The following KDM3B variants were observed in gnomAD, a reference collection of about 807,000 sequenced individuals.
KDM3B encodes the protein lysine-specific demethylase 3B.
A neutral mutation model predicts 170.0 loss-of-function variants in KDM3B; 10 were observed. That is an observed-to-expected ratio of 0.06 (90% CI 0.04 to 0.10). The LOEUF (loss-of-function observed/expected upper bound fraction) is 0.10, where lower values mean the gene tolerates loss of function less well. Ranked by LOEUF, KDM3B falls within the 10% of genes least tolerant of loss-of-function variation. The pLI, the probability that KDM3B is intolerant of heterozygous loss-of-function variation, is 1.00. For synonymous variants in KDM3B, 831 were observed against 834.8 expected (o/e 1.00, Z 0.08); for missense variants, 1,394 against 2,195.2 (o/e 0.64, Z 7.29).
chr5:138,391,189 T>G lies in KDM3B; in HGVS notation c.1557T>G (p.Thr519=), dbSNP rs1473211743. 6.2e-7 allele frequency: 1 copy of G among 1,614,114 alleles called. No homozygotes were observed. The highest frequency in any genetic ancestry group is 2.2e-5 in the East Asian group (1 of 44,884). Residue 519 remains threonine (T), a synonymous_variant, in exon 8 of 24, where the codon ACT becomes ACG. Coordinates refer to ENST00000314358, the MANE Select transcript of KDM3B (RefSeq NM_016604.4). The surrounding 1 kb of genome is among the most constrained non-coding windows in gnomAD (Gnocchi z 5.0). ...CTGCACAAGAGGCACAGAAAGACAC[T>G]GATCTCTCCAAAAACTTGTTTTTTC... ...CSSAQEAQKD[T]DLSKNLFFQC...
intron 17 of KDM3B, 31 bp from the exon 18 acceptor site, chr5:138,426,944 G>T (rs780880842): frequency 8.4e-6 from 13 of 1,542,974 alleles, no homozygotes; most frequent in African/African-American, 1.4e-5. Context: ...CAAACCAGCA[G>T]ATGTTTGTGG....
At chr5:138,379,502 C>A in intron 4 of KDM3B, 82 bp from the exon 5 acceptor site, 1 of 1,365,662 alleles carries the variant, frequency 7.3e-7, no homozygotes, top group African/African-American at 1.5e-5. Context: ...TTTACATTAT[C>A]TAATTTTCCT....
At chr5:138,365,025 G>C (rs1761710073) in intron 1 of KDM3B, among the ~76,000 whole-genome samples, 1 of 152,170 alleles carries the variant, frequency 6.6e-6, no homozygotes, top group South Asian at 2.1e-4. Flanking sequence ...TTTGAAAACA[G>C]AGATATTCAA....
rs376835729 is a variant in KDM3B, at chr5:138,372,822, T to C, written c.341T>C (p.Ile114Thr). Reference sequence around the variant, plus strand: ...CTTCTCCAGGGCATTCGAGTCTCCATTGCACAATGGCCAGCCCTGGTGAGT... The same window carrying C: ...CTTCTCCAGGGCATTCGAGTCTCCACTGCACAATGGCCAGCCCTGGTGAGT... ...PVLLQGIRVS[I>T]AQWPALTFTP... Residue 114 changes from isoleucine to threonine, a missense_variant, in exon 2 of 24, where the codon ATT (isoleucine) becomes ACT (threonine). This residue lies in a region of KDM3B where 166 missense variants were observed against 216.4 expected (regional missense o/e 0.77). Coordinates refer to ENST00000314358, the MANE Select transcript of KDM3B (RefSeq NM_016604.4). 15 of 1,614,058 alleles carry C rather than the reference T, an allele frequency of 9.3e-6. No individual in the cohort carries two copies. The South Asian group carries it at 1.3e-4, about 14-fold the overall frequency.
intron 15 of KDM3B, among the ~76,000 whole-genome samples, chr5:138,423,731 C>T (rs2126998033): frequency 6.6e-6 from 1 of 152,274 alleles, no homozygotes; most frequent in South Asian, 2.1e-4. Flanking sequence ...GACCTTTTTA[C>T]ACTCAGTTAC....
In KDM3B at chr5:138,430,236, A is replaced by T; in HGVS notation, c.4894-13A>T. ...TTTAATTTTCCCATCTTTGGATTTG[A>T]TTATGGCTTCAGGTTGGAGAAGAAC... is the stretch of plus-strand genomic sequence containing the variant. On this transcript the variant is annotated splice_polypyrimidine_tract_variant and intron_variant, in intron 21 of 23. Coordinates refer to ENST00000314358, the MANE Select transcript of KDM3B (RefSeq NM_016604.4). 6.2e-7 allele frequency: 1 copy of T among 1,610,438 alleles called. No homozygotes were observed. Among genetic ancestry groups the T allele is most frequent in the Non-Finnish European group, 8.5e-7 (1 of 1,177,408 alleles).
chr5:138,428,147 T>C, intron 20 of KDM3B, 61 bp downstream of exon 20: 2 of 1,545,624 alleles, frequency 1.3e-6, no homozygotes, highest in Non-Finnish European at 1.8e-6. Context: ...AATACAGTTT[T>C]GTGTTTTCAT....
At chr5:138,362,795 T>G (rs1364634779) in intron 1 of KDM3B, among the ~76,000 whole-genome samples, 2 of 149,638 alleles carry the variant, frequency 1.3e-5, no homozygotes, top group Non-Finnish European at 3.0e-5. Context: ...ACGTGCAGGT[T>G]TGTTACATAT....
intron 23 of KDM3B, among the ~76,000 whole-genome samples, chr5:138,432,830 C>T (rs936804940): frequency 9.9e-5 from 15 of 151,332 alleles, no homozygotes; most frequent in African/African-American, 3.2e-4. Flanking sequence ...CTGCAAGCTC[C>T]GCCTCCTGGG....
chr5:138,424,264 G>A lies in KDM3B; in HGVS notation c.4162G>A (p.Gly1388Arg). ...PHTSHSWLCD[G>R]RLLCLHDPSN... Reference sequence around the variant, plus strand: ...TACTTCTCACTCCTGGCTTTGTGATGGGAGGCTTCTGTGTCTCCATGACCC... The same window carrying A: ...TACTTCTCACTCCTGGCTTTGTGATAGGAGGCTTCTGTGTCTCCATGACCC... Residue 1388 changes from glycine to arginine, a missense_variant, in exon 16 of 24, where the codon GGG (glycine) becomes AGG (arginine). Gly to Arg is a moderately radical substitution (Grantham distance 125, BLOSUM62 -2). This residue lies in a region of KDM3B where 66 missense variants were observed against 178.8 expected (regional missense o/e 0.37). Transcript: ENST00000314358. 6.2e-7 allele frequency: 1 copy of A among 1,614,170 alleles called. No homozygotes were observed. Among genetic ancestry groups the A allele is most frequent in the East Asian group, 2.2e-5 (1 of 44,888 alleles).
intron 6 of KDM3B, among the ~76,000 whole-genome samples, chr5:138,383,418 C>T (rs1336365893): frequency 5.2e-5 from 4 of 76,718 alleles, no homozygotes; most frequent in African/African-American, 1.4e-4. Flanking sequence ...TTTACAGGCG[C>T]GAACGAACCA....
rs1437626330 is a variant in KDM3B, at chr5:138,391,103, C to CAGTCCA, written c.1473_1478dup (p.Ser492_Asn493insLysSer). The CAGTCCA allele has an allele frequency of 6.2e-7, 1 of 1,613,712 alleles. No individual in the cohort carries two copies. The highest frequency in any genetic ancestry group is 8.5e-7 in the Non-Finnish European group (1 of 1,179,714). On this transcript the variant is annotated inframe_insertion, in exon 8 of 24. Coordinates refer to ENST00000314358, the MANE Select transcript of KDM3B (RefSeq NM_016604.4). The surrounding 1 kb of genome is among the most constrained non-coding windows in gnomAD (Gnocchi z 5.0). Reference sequence around the variant, plus strand: ...TTTGACTTTTGGAAGTGGAAGGAGCCAGTCCAATGGTGTTCTAGCCACAGA... The same window carrying CAGTCCA: ...TTTGACTTTTGGAAGTGGAAGGAGCCAGTCCAAGTCCAATGGTGTTCTAGCCACAGA...
At chr5:138,410,497 AAG>A (rs2126977277) in intron 11 of KDM3B, among the ~76,000 whole-genome samples, 1 of 152,262 alleles carries the variant, frequency 6.6e-6, no homozygotes, top group East Asian at 1.9e-4. Flanking sequence ...CCAAAAAAAA[AAG>A]AGGAACCTCT....
In KDM3B at chr5:138,386,129, C is replaced by G. The variant is rs1414246923; in HGVS notation, c.888C>G (p.Asp296Glu). 1 of 1,614,044 alleles carries G rather than the reference C, an allele frequency of 6.2e-7. No individual in the cohort carries two copies. The highest frequency in any genetic ancestry group is 1.1e-5 in the South Asian group (1 of 91,078). The part of the protein sequence containing the change: ...RRKSASDSGC[D>E]PASKKLKGDR... ...AAAGTGCTTCGGACTCTGGGTGTGA[C>G]CCTGCATCAAAGAAATTAAAAGGAG... Residue 296 changes from aspartate to glutamate, a missense_variant, in exon 7 of 24, where the codon GAC (aspartate) becomes GAG (glutamate). Transcript: ENST00000314358.
Position 138,436,846 on chromosome 5 carries a change from A to G in KDM3B, c.*1146A>G, listed in dbSNP as rs1397157116. 1.3e-5 allele frequency: 2 copies of G among 151,828 alleles called. No homozygotes were observed. The highest frequency in any genetic ancestry group is 6.6e-5 in the Admixed American group (1 of 15,260). The allele number at this position is 151,828 out of a possible 1,614,324, so 9.4% of individuals were successfully genotyped here. A position where few individuals can be genotyped will look rare whatever the true frequency, so the allele number is the denominator to read the frequency against. On this transcript the variant is annotated 3_prime_UTR_variant, in exon 24 of 24. Transcript: ENST00000314358. ...GGCCCATAGGTACATTGGAAAATGT[A>G]TATCTCTCCAGCTGTACTGTAGTGC...
In KDM3B at chr5:138,419,768, T is replaced by C. The variant is rs1053701364; in HGVS notation, c.3715+536T>C. On this transcript the variant is annotated intron_variant, in intron 14 of 23. Transcript: ENST00000314358. ...ACACACACACACACACACACACACA[T>C]ATATATGAGGGACTACCTTTCAACT... 8.0e-4 allele frequency among the ~76,000 whole-genome samples: 79 copies of C among 98,424 alleles called. No individual in the cohort carries two copies. The East Asian group carries it at 0.014, about 17-fold the overall frequency. The allele number at this position is 98,424 out of a possible 152,430, so 64.6% of individuals were successfully genotyped here.
chr5:138,378,485 C>T (rs1332023786), intron 4 of KDM3B, among the ~76,000 whole-genome samples: 1 of 151,416 alleles, frequency 6.6e-6, no homozygotes, highest in East Asian at 1.9e-4. Flanking sequence ...CAAGTTTTGC[C>T]CAAGATTCTA....
intron 1 of KDM3B, among the ~76,000 whole-genome samples, chr5:138,360,757 A>G (rs1761587510): frequency 6.6e-6 from 1 of 151,782 alleles, no homozygotes; most frequent in Non-Finnish European, 1.5e-5. Context: ...ACACCTGGCT[A>G]ATTTTTGTAG....
At chr5:138,431,924 A>C (rs1224147087) in intron 23 of KDM3B, among the ~76,000 whole-genome samples, 1 of 151,910 alleles carries the variant, frequency 6.6e-6, no homozygotes, top group African/African-American at 2.4e-5. Context: ...AAAAAAAAAA[A>C]ACAAAAAACA....
Sources: allele counts gnomAD v4.1 joint callset (sites outside exome capture counted in the v4.1 genomes callset), GRCh38; gene constraint gnomAD v4.1.1; regional missense constraint gnomAD v4.1.1; non-coding constraint Gnocchi (gnomAD v3.1); transcripts MANE v1.5; gene names NCBI Gene and HGNC (gene_info 2026-07-23, HGNC 2026-07-21).